PLCB4: variants seen among roughly 807,000 people sequenced by gnomAD.
PLCB4 encodes the protein phospholipase C beta 4.
Under a neutral mutation model 178.8 loss-of-function variants are expected in PLCB4, and 77 were observed. The ratio of observed to expected loss-of-function variants is 0.43; its 90% CI spans 0.36 to 0.52. The LOEUF is 0.52. PLCB4 is among the 20% of genes least tolerant of loss of function. The pLI is 0.00. For synonymous variants in PLCB4, 496 were observed against 490.8 expected (o/e 1.01, Z -0.14); for missense variants, 1,024 against 1,453.4 (o/e 0.70, Z 4.80).
intron 3 of PLCB4, among the ~76,000 whole-genome samples, chr20:9,252,835 C>T (rs540058161): frequency 2.0e-5 from 3 of 152,246 alleles, no homozygotes; most frequent in Non-Finnish European, 4.4e-5. Context: ...GATCCTGAAG[C>T]TCCTGGTTCT....
intron 3 of PLCB4, among the ~76,000 whole-genome samples, chr20:9,244,905 G>A (rs901081551): frequency 2.6e-5 from 4 of 152,060 alleles, no homozygotes; most frequent in African/African-American, 7.2e-5. Flanking sequence ...GTCTGTGAAC[G>A]CTGGGCAGTT....
intron 3 of PLCB4, among the ~76,000 whole-genome samples, chr20:9,239,596 C>T (rs925371497): frequency 2.6e-5 from 4 of 152,112 alleles, no homozygotes; most frequent in East Asian, 1.9e-4. Context: ...TGGAAGGGTA[C>T]GCTATCATCG....
chr20:9,251,070 T>C (rs752069365), intron 3 of PLCB4, among the ~76,000 whole-genome samples: 3 of 152,230 alleles, frequency 2.0e-5, no homozygotes, highest in African/African-American at 4.8e-5. Context: ...CTATTATCTG[T>C]TGGGCAAGGG....
intron 2 of PLCB4, among the ~76,000 whole-genome samples, chr20:9,172,754 C>T (rs910404541): frequency 2.4e-4 from 37 of 152,234 alleles, no homozygotes; most frequent in Admixed American, 2.3e-3. Flanking sequence ...CCTGTCAACT[C>T]GCCCTAAGAA....
chr20:9,097,477 A>G (rs1305449362), intron 2 of PLCB4, among the ~76,000 whole-genome samples: 3 of 152,100 alleles, frequency 2.0e-5, no homozygotes, highest in Non-Finnish European at 2.9e-5. Flanking sequence ...ACAGTGGTCA[A>G]ATCTGACCTT....
At chr20:9,250,499 C>T (rs541670928) in intron 3 of PLCB4, among the ~76,000 whole-genome samples, 2 of 152,210 alleles carry the variant, frequency 1.3e-5, no homozygotes, top group South Asian at 4.1e-4. Flanking sequence ...ATATTTTACT[C>T]CCATGATGCA....
At chr20:9,072,254 A>G (rs1203712383) in intron 1 of PLCB4, among the ~76,000 whole-genome samples, 1 of 152,088 alleles carries the variant, frequency 6.6e-6, no homozygotes, top group Non-Finnish European at 1.5e-5. Flanking sequence ...TCCATTCCAC[A>G]TTTTCCTATT....
At chr20:9,161,684 T>C (rs889433885) in intron 2 of PLCB4, among the ~76,000 whole-genome samples, 1 of 152,236 alleles carries the variant, frequency 6.6e-6, no homozygotes, top group African/African-American at 2.4e-5. Flanking sequence ...ATTGCTTGTA[T>C]TGGACTTTGT....
At chr20:9,073,603 G>A (rs1166181860) in intron 1 of PLCB4, among the ~76,000 whole-genome samples, 2 of 152,074 alleles carry the variant, frequency 1.3e-5, no homozygotes, top group Non-Finnish European at 2.9e-5. Context: ...ATTATGCTGG[G>A]CCAGGCATGC....
intron 3 of PLCB4, among the ~76,000 whole-genome samples, chr20:9,229,350 C>G (rs2093905765): frequency 6.6e-6 from 1 of 152,090 alleles, no homozygotes; most frequent in African/African-American, 2.4e-5. Flanking sequence ...GAGTAGTTGT[C>G]ATTTTTTAGC....
At chr20:9,130,275 C>T in intron 2 of PLCB4, among the ~76,000 whole-genome samples, 1 of 152,108 alleles carries the variant, frequency 6.6e-6, no homozygotes. Flanking sequence ...ACTGCAGAAA[C>T]TCAGTAAACC....
At chr20:9,206,410 C>A (rs1380220412) in intron 2 of PLCB4, among the ~76,000 whole-genome samples, 1 of 149,564 alleles carries the variant, frequency 6.7e-6, no homozygotes, top group African/African-American at 2.5e-5. Flanking sequence ...CATCTTGCAA[C>A]CACTCCCATG....
At chr20:9,383,181 A>G (rs1230566103) in intron 13 of PLCB4, among the ~76,000 whole-genome samples, 22 of 152,224 alleles carry the variant, frequency 1.4e-4, no homozygotes, top group Admixed American at 1.4e-3. Context: ...AAGGTTGCAG[A>G]ACCATTTTGG....
intron 7 of PLCB4, among the ~76,000 whole-genome samples, chr20:9,358,461 A>G (rs2035028578): frequency 6.6e-6 from 1 of 152,204 alleles, no homozygotes; most frequent in Admixed American, 6.5e-5. Flanking sequence ...TTCTTTGACT[A>G]AAGACGAAAA....
At chr20:9,385,670 G>A (rs1281733307) in intron 14 of PLCB4, among the ~76,000 whole-genome samples, 24 of 141,788 alleles carry the variant, frequency 1.7e-4, no homozygotes, top group Non-Finnish European at 3.4e-4. Context: ...GGTGGTGGCC[G>A]GGCAGAGGCG....
chr20:9,256,270 A>G (rs2094234788), intron 3 of PLCB4, among the ~76,000 whole-genome samples: 1 of 152,198 alleles, frequency 6.6e-6, no homozygotes, highest in Non-Finnish European at 1.5e-5. Context: ...TCAGGGATCC[A>G]GACTCTGTCC....
intron 3 of PLCB4, among the ~76,000 whole-genome samples, chr20:9,272,489 A>G (rs933735831): frequency 1.3e-5 from 2 of 152,066 alleles, no homozygotes; most frequent in Non-Finnish European, 2.9e-5. Context: ...AACCTAGACT[A>G]TTGAGGGTCT....
chr20:9,268,644 C>A (rs1165557962), intron 3 of PLCB4, among the ~76,000 whole-genome samples: 1 of 152,112 alleles, frequency 6.6e-6, no homozygotes, highest in Non-Finnish European at 1.5e-5. Context: ...CTTATCCATA[C>A]AAGGGGGACG....
intron 8 of PLCB4, among the ~76,000 whole-genome samples, chr20:9,363,488 T>A (rs1426262935): frequency 6.6e-6 from 1 of 152,204 alleles, no homozygotes; most frequent in Non-Finnish European, 1.5e-5. Context: ...TCTGTAGGAT[T>A]CAGTTATTTA....
Sources: allele counts gnomAD v4.1 joint callset (sites outside exome capture counted in the v4.1 genomes callset), GRCh38; gene constraint gnomAD v4.1.1; transcripts MANE v1.5; gene names NCBI Gene and HGNC (gene_info 2026-07-23, HGNC 2026-07-21).